GNAI1: variants seen among roughly 807,000 people sequenced by gnomAD.
The protein encoded by GNAI1 is guanine nucleotide-binding protein G(i) subunit alpha-1.
GNAI1 carries 11 observed loss-of-function variants against 38.9 expected under a neutral mutation model. That is an observed-to-expected ratio of 0.28 (90% CI 0.18 to 0.47). The LOEUF is 0.47. Ranked by LOEUF, GNAI1 falls within the 20% of genes least tolerant of loss-of-function variation. The probability of loss-of-function intolerance (pLI) is 0.99; values close to 1 mark genes in which losing one functional copy is unlikely to be tolerated. For missense variants in GNAI1, 317 were observed against 436.9 expected (o/e 0.73, Z 2.45); for synonymous variants, 166 against 145.1 (o/e 1.14, Z -1.04).
chr7:80,201,779 T>G (rs183647953), intron 4 of GNAI1, among the ~76,000 whole-genome samples: 1 of 152,274 alleles, frequency 6.6e-6, no homozygotes, highest in Non-Finnish European at 1.5e-5. Flanking sequence ...AGTTTTACAT[T>G]ATTTTATTTC....
chr7:80,151,788 A>G (rs951543585), intron 1 of GNAI1, among the ~76,000 whole-genome samples: 2 of 152,218 alleles, frequency 1.3e-5, no homozygotes, highest in African/African-American at 4.8e-5. Flanking sequence ...GGTTGTGTGG[A>G]TCCAAACATG....
At chr7:80,145,996 G>A (rs1335946669) in intron 1 of GNAI1, among the ~76,000 whole-genome samples, 2 of 152,024 alleles carry the variant, frequency 1.3e-5, no homozygotes, top group African/African-American at 4.8e-5. Flanking sequence ...ATTATATGTT[G>A]CATACATTCC....
chr7:80,172,534 T>A (rs1788113942), intron 1 of GNAI1, among the ~76,000 whole-genome samples: 1 of 152,204 alleles, frequency 6.6e-6, no homozygotes, highest in South Asian at 2.1e-4. Context: ...TCTTTTGATG[T>A]AGAGTCATGA....
intron 1 of GNAI1, among the ~76,000 whole-genome samples, chr7:80,138,575 A>G (rs1679496774): frequency 1.3e-5 from 2 of 152,182 alleles, no homozygotes; most frequent in African/African-American, 4.8e-5. Context: ...TTAATTTATC[A>G]TCCTTTTAAG....
chr7:80,208,031 C>T (rs1002115053), intron 5 of GNAI1, among the ~76,000 whole-genome samples: 1 of 152,084 alleles, frequency 6.6e-6, no homozygotes, highest in Non-Finnish European at 1.5e-5. Flanking sequence ...AATGCAACAT[C>T]CAGTTTATGA....
At chr7:80,163,667 T>G (rs982953480) in intron 1 of GNAI1, among the ~76,000 whole-genome samples, 6 of 152,234 alleles carry the variant, frequency 3.9e-5, no homozygotes, top group African/African-American at 1.4e-4. Context: ...TCTTTTTGCC[T>G]ACCTCATAGT....
rs182021430 is a variant in GNAI1, at chr7:80,222,857, C to T, written c.*5364C>T. 5.0e-4 allele frequency among the ~76,000 whole-genome samples: 76 copies of T among 152,246 alleles called. No individual in the cohort carries two copies. Among genetic ancestry groups the T allele is most frequent in the African/African-American group, 1.4e-3 (60 of 41,536 alleles). ...CGTGGGTTAAGTCCTGAAAAGCCCA[C>T]TGTAAGTTGATAATACCTTATTTTG... On this transcript the variant is annotated 3_prime_UTR_variant, in exon 8 of 8. Coordinates refer to ENST00000649796, the MANE Select transcript of GNAI1 (RefSeq NM_002069.6).
chr7:80,209,324 T>C (rs1244815115), intron 5 of GNAI1, among the ~76,000 whole-genome samples: 2 of 152,124 alleles, frequency 1.3e-5, no homozygotes, highest in Non-Finnish European at 2.9e-5. Context: ...AAGTCCGAAG[T>C]TTGTAGGGTA....
intron 1 of GNAI1, among the ~76,000 whole-genome samples, chr7:80,143,927 C>CGCGT (rs1554346289): frequency 1.3e-4 from 19 of 151,422 alleles, no homozygotes; most frequent in East Asian, 1.9e-4. Flanking sequence ...TGTGTGCGCG[C>CGCGT]GTGTGTGTAT....
chr7:80,196,912 A>T (rs751255850), intron 3 of GNAI1, among the ~76,000 whole-genome samples: 1 of 151,996 alleles, frequency 6.6e-6, no homozygotes, highest in African/African-American at 2.4e-5. Context: ...TCACATAGTT[A>T]ATTTTTTTGA....
chr7:80,194,225 T>G (rs1320630664), intron 3 of GNAI1, among the ~76,000 whole-genome samples: 1 of 152,188 alleles, frequency 6.6e-6, no homozygotes, highest in Non-Finnish European at 1.5e-5. Context: ...TAATTTGAAT[T>G]TTCCATTTTT....
intron 1 of GNAI1, among the ~76,000 whole-genome samples, chr7:80,185,428 C>T (rs1454324772): frequency 6.6e-6 from 1 of 152,102 alleles, no homozygotes; most frequent in Non-Finnish European, 1.5e-5. Flanking sequence ...ACAGCTGAGG[C>T]CATCCAGTTT....
At chr7:80,148,547 A>G (rs1246199369) in intron 1 of GNAI1, among the ~76,000 whole-genome samples, 7 of 152,010 alleles carry the variant, frequency 4.6e-5, no homozygotes, top group African/African-American at 1.7e-4. Context: ...AAAAACAAAA[A>G]ACTTAGAAAA....
chr7:80,167,128 A>G (rs1244470019), intron 1 of GNAI1, among the ~76,000 whole-genome samples: 13 of 152,230 alleles, frequency 8.5e-5, no homozygotes, highest in Non-Finnish European at 1.5e-4. Flanking sequence ...AGTTGGAAAG[A>G]AACTTGGAGT....
At chr7:80,207,186 A>G (rs951714755) in intron 5 of GNAI1, among the ~76,000 whole-genome samples, 1 of 152,132 alleles carries the variant, frequency 6.6e-6, no homozygotes, top group Admixed American at 6.5e-5. Context: ...AAAATGTTGT[A>G]AAAGTGAGAA....
In GNAI1 at chr7:80,135,264, AGCT is replaced by A. The variant is rs1157784002; in HGVS notation, c.114_116del (p.Leu39del). ...GGCGAGAAGGCGGCGCGCGAGGTCAAGCTGCTGCTGCTCGGTAAGGGCGGCCGG... is the reference window on the plus strand; with the variant it reads ...GGCGAGAAGGCGGCGCGCGAGGTCAAGCTGCTGCTCGGTAAGGGCGGCCGG... On this transcript the variant is annotated inframe_deletion, in exon 1 of 8. Coordinates refer to ENST00000649796, the MANE Select transcript of GNAI1 (RefSeq NM_002069.6). 4.6e-6 allele frequency: 7 copies of A among 1,509,320 alleles called. No individual in the cohort carries two copies. The highest frequency in any genetic ancestry group is 1.3e-5 in the South Asian group (1 of 77,786). 93.5% of individuals were successfully genotyped at this position (1,509,320 alleles called of 1,614,324 possible).
intron 1 of GNAI1, among the ~76,000 whole-genome samples, chr7:80,158,413 G>A (rs888539680): frequency 2.6e-5 from 4 of 152,148 alleles, no homozygotes; most frequent in East Asian, 1.9e-4. Context: ...ATCTCATCTC[G>A]AATTGTAGTT....
At chr7:80,170,600 A>G (rs745517147) in intron 1 of GNAI1, among the ~76,000 whole-genome samples, 8 of 152,232 alleles carry the variant, frequency 5.3e-5, no homozygotes, top group Admixed American at 1.3e-4. Context: ...ACTTTCAGTT[A>G]TGGTAGAACA....
At chr7:80,214,606 CCA>C (rs1562845659) in intron 7 of GNAI1, among the ~76,000 whole-genome samples, 1 of 152,160 alleles carries the variant, frequency 6.6e-6, no homozygotes, top group Non-Finnish European at 1.5e-5. Context: ...TTTCACATCC[CCA>C]GAGTTAAGAT....
Sources: allele counts gnomAD v4.1 joint callset (sites outside exome capture counted in the v4.1 genomes callset), GRCh38; gene constraint gnomAD v4.1.1; transcripts MANE v1.5; gene names NCBI Gene and HGNC (gene_info 2026-07-23, HGNC 2026-07-21).